The following DLGAP1 variants were observed in gnomAD, a reference collection of about 807,000 sequenced individuals.
DLGAP1 encodes disks large-associated protein 1.
Under a neutral mutation model 90.8 loss-of-function variants are expected in DLGAP1, and 11 were observed. The ratio of observed to expected loss-of-function variants is 0.12; its 90% CI spans 0.08 to 0.20. DLGAP1 has a LOEUF of 0.20. Among genes scored for constraint, DLGAP1 ranks in the 10% least tolerant of loss-of-function variants. DLGAP1 has a pLI of 1.00. For missense variants in DLGAP1, 1,050 were observed against 1,333.8 expected (o/e 0.79, Z 3.31); for synonymous variants, 558 against 540.7 (o/e 1.03, Z -0.44).
chr18:3,650,547 G>C (rs11875863), intron 7 of DLGAP1, among the ~76,000 whole-genome samples: 13,548 of 152,196 alleles, frequency 0.089, 1,121 homozygotes, highest in African/African-American at 0.22. Context: ...CGTTTGTTTA[G>C]TGTGGTGCTC....
At chr18:4,052,834 T>A (rs2075155611) in intron 2 of DLGAP1, among the ~76,000 whole-genome samples, 1 of 152,162 alleles carries the variant, frequency 6.6e-6, no homozygotes, top group African/African-American at 2.4e-5. Context: ...ATTCAAAGTT[T>A]CACTTATCTA....
At chr18:3,889,276 A>G (rs1347669470) in intron 3 of DLGAP1, among the ~76,000 whole-genome samples, 3 of 152,332 alleles carry the variant, frequency 2.0e-5, no homozygotes, top group Non-Finnish European at 2.9e-5. Flanking sequence ...TACAACTTGA[A>G]AAGGAGCAGT....
At position 4,223,933 on chromosome 18, in the gene DLGAP1, T is replaced by C. The variant is rs12326671; in HGVS notation, c.-266-72646A>G. On this transcript the variant is annotated intron_variant, in intron 1 of 12. Coordinates refer to ENST00000315677, the MANE Select transcript of DLGAP1 (RefSeq NM_004746.4). ...CTTAGCTGTAACCTCATGACATTTTTATATAACCAGTCAGATAATAGCTTC... is the reference window on the plus strand; with the variant it reads ...CTTAGCTGTAACCTCATGACATTTTCATATAACCAGTCAGATAATAGCTTC... 3.3e-3 allele frequency among the ~76,000 whole-genome samples: 496 copies of C among 152,342 alleles called. 4 individuals are homozygous for C. Among genetic ancestry groups the C allele is most frequent in the African/African-American group, 0.011 (478 of 41,582 alleles).
At chr18:3,541,959 C>CGAGGAGTG (rs1568162063) in intron 9 of DLGAP1, among the ~76,000 whole-genome samples, 1 of 151,900 alleles carries the variant, frequency 6.6e-6, no homozygotes, top group Non-Finnish European at 1.5e-5. Flanking sequence ...TTTCTAGAGA[C>CGAGGAGTG]GAGGAGTGGC....
chr18:4,286,468 G>T (rs2079694469), intron 1 of DLGAP1, among the ~76,000 whole-genome samples: 2 of 152,052 alleles, frequency 1.3e-5, no homozygotes, highest in East Asian at 3.9e-4. Flanking sequence ...TAATGCTGAG[G>T]GTCTGGGAGG....
intron 1 of DLGAP1, among the ~76,000 whole-genome samples, chr18:4,408,688 C>T (rs904883257): frequency 6.6e-6 from 1 of 151,940 alleles, no homozygotes; most frequent in Non-Finnish European, 1.5e-5. Context: ...CATTATAAGT[C>T]TGCGAAAAAT....
intron 10 of DLGAP1, among the ~76,000 whole-genome samples, chr18:3,510,176 TG>T (rs2050460954): frequency 6.6e-6 from 1 of 152,258 alleles, no homozygotes; most frequent in South Asian, 2.1e-4. Flanking sequence ...ACACAGGGCC[TG>T]AGTGGGCCAG....
chr18:4,343,203 A>T (rs1039574688), intron 1 of DLGAP1, among the ~76,000 whole-genome samples: 7 of 151,172 alleles, frequency 4.6e-5, no homozygotes, highest in Admixed American at 3.3e-4. Flanking sequence ...GCTACTCGGG[A>T]GGCTGAGGCA....
At chr18:4,289,814 T>C (rs2079801964) in intron 1 of DLGAP1, among the ~76,000 whole-genome samples, 3 of 152,144 alleles carry the variant, frequency 2.0e-5, no homozygotes, top group Non-Finnish European at 2.9e-5. Flanking sequence ...TAGAAACAAT[T>C]GTACTTATTT....
At chr18:3,870,316 A>T (rs2070666178) in intron 4 of DLGAP1, among the ~76,000 whole-genome samples, 1 of 152,228 alleles carries the variant, frequency 6.6e-6, no homozygotes. Flanking sequence ...GATTCTCTAC[A>T]GGCATACATG....
intron 12 of DLGAP1, chr18:3,502,130 G>A: frequency 8.4e-6 from 9 of 1,070,516 alleles, no homozygotes; most frequent in Non-Finnish European, 1.0e-5. Context: ...GTGTAAGGAA[G>A]TTGAACTCTT....
chr18:3,930,661 C>T (rs368812101), intron 3 of DLGAP1, among the ~76,000 whole-genome samples: 2 of 152,222 alleles, frequency 1.3e-5, no homozygotes, highest in Admixed American at 1.3e-4. Context: ...TGCTCTGTGC[C>T]TGCTCTTCTA....
intron 1 of DLGAP1, among the ~76,000 whole-genome samples, chr18:4,452,526 T>A (rs1402505996): frequency 6.6e-6 from 1 of 152,170 alleles, no homozygotes; most frequent in Non-Finnish European, 1.5e-5. Flanking sequence ...CACACATATT[T>A]AATAGAGTTA....
intron 7 of DLGAP1, among the ~76,000 whole-genome samples, chr18:3,676,875 C>T (rs1471548871): frequency 1.3e-5 from 2 of 152,168 alleles, no homozygotes; most frequent in Non-Finnish European, 2.9e-5. Context: ...CCAGATTTCT[C>T]TCCCTGAATG....
intron 5 of DLGAP1, among the ~76,000 whole-genome samples, chr18:3,797,524 T>C (rs146010257): frequency 9.5e-4 from 144 of 152,246 alleles, no homozygotes; most frequent in African/African-American, 3.4e-3. Flanking sequence ...TATTTTGTTA[T>C]AGCAGCCTGA....
chr18:3,851,416 G>A (rs547095964), intron 4 of DLGAP1, among the ~76,000 whole-genome samples: 19 of 152,290 alleles, frequency 1.2e-4, no homozygotes, highest in African/African-American at 4.3e-4. Flanking sequence ...GATGATGTGT[G>A]ACTATATAGA....
intron 9 of DLGAP1, among the ~76,000 whole-genome samples, chr18:3,563,122 C>T (rs1031857483): frequency 1.3e-5 from 2 of 152,114 alleles, no homozygotes; most frequent in South Asian, 2.1e-4. Context: ...CCACTGAACC[C>T]GGCCTAGTTC....
chr18:3,693,094 T>C (rs2147039260), intron 7 of DLGAP1, among the ~76,000 whole-genome samples: 1 of 152,320 alleles, frequency 6.6e-6, no homozygotes, highest in Non-Finnish European at 1.5e-5. Context: ...GCAAACTATA[T>C]TTTCTTTTTC....
chr18:4,354,936 C>G (rs948739447), intron 1 of DLGAP1, among the ~76,000 whole-genome samples: 6 of 107,168 alleles, frequency 5.6e-5, no homozygotes, highest in African/African-American at 2.1e-4. Flanking sequence ...CCTCTCTACA[C>G]ACACATCAGA....
Sources: allele counts gnomAD v4.1 joint callset (sites outside exome capture counted in the v4.1 genomes callset), GRCh38; gene constraint gnomAD v4.1.1; transcripts MANE v1.5; gene names NCBI Gene and HGNC (gene_info 2026-07-23, HGNC 2026-07-21).